TPM4: variants seen among roughly 807,000 people sequenced by gnomAD.
TPM4 encodes tropomyosin alpha-4 chain.
Under a neutral mutation model 35.8 loss-of-function variants are expected in TPM4, and 17 were observed. The observed-to-expected ratio is 0.47, with a 90% CI of 0.32 to 0.71. TPM4 has a LOEUF of 0.71. TPM4 is among the 30% of genes least tolerant of loss of function. TPM4 has a pLI of 0.03. For missense variants in TPM4, 240 were observed against 320.9 expected, an observed-to-expected ratio of 0.75 and a Z score of 1.93; for synonymous variants, 120 against 122.9, an observed-to-expected ratio of 0.98 and a Z score of 0.15.
In TPM4 at chr19:16,067,807, G is replaced by GA. The variant is rs1347355187; in HGVS notation, c.114+70dup. On this transcript the variant is annotated intron_variant, in intron 2 of 2. Transcript: ENST00000589897. This position sits in a 1 kb window ranked among gnomAD's most constrained non-coding sequence, Gnocchi z 4.1. ...TCTCTGTGCGGAAGGCCGGGGTCTGGAGCCCAGTTGGGGGTCGCAGACACC... is the reference window on the plus strand; with the variant it reads ...TCTCTGTGCGGAAGGCCGGGGTCTGGAAGCCCAGTTGGGGGTCGCAGACACC... The GA allele has an allele frequency of 1.0e-5, 15 of 1,477,542 alleles. No individual in the cohort carries two copies. The African/African-American group carries it at 2.1e-4, about 21-fold the overall frequency. 91.5% of individuals were successfully genotyped at this position (1,477,542 alleles called of 1,614,324 possible).
Position 16,088,100 on chromosome 19 carries a change from G to A in TPM4, c.455+3G>A. 6.2e-7 allele frequency: 1 copy of A among 1,610,640 alleles called. No individual in the cohort carries two copies. The highest frequency in any genetic ancestry group is 8.5e-7 in the Non-Finnish European group (1 of 1,178,838). On this transcript the variant is annotated splice_donor_region_variant and intron_variant, in intron 4 of 7. Transcript: ENST00000643579. ...GAGCGTGCGGAGGTGTCTGAACTGTGAGTGGCAGAACAGGACTGAGCGAGG... is the reference window on the plus strand; with the variant it reads ...GAGCGTGCGGAGGTGTCTGAACTGTAAGTGGCAGAACAGGACTGAGCGAGG...
intron 5 of TPM4, among the ~76,000 whole-genome samples, chr19:16,091,986 G>C (rs1055360442): frequency 6.6e-6 from 1 of 151,100 alleles, no homozygotes; most frequent in East Asian, 2.0e-4. Context: ...GCTGGCCATC[G>C]TAGCGAAACC....
At chr19:16,099,855 C>T (rs2090744541) in intron 7 of TPM4, 1 of 152,090 alleles carries the variant, frequency 6.6e-6, no homozygotes. Flanking sequence ...AATAACATGC[C>T]TGTAGAATGG....
chr19:16,076,704 GC>G lies in TPM4; in HGVS notation c.132+11del, dbSNP rs1255942070. Reference sequence around the variant, plus strand: ...GCGCGAGCGGCGCGAGAAAGTGAGCGCCCCGGCCTCGGGCCCCGCACCCGCA... The same window carrying G: ...GCGCGAGCGGCGCGAGAAAGTGAGCGCCCGGCCTCGGGCCCCGCACCCGCA... On this transcript the variant is annotated splice_region_variant and intron_variant, in intron 1 of 7. Coordinates refer to ENST00000643579, the MANE Select transcript of TPM4 (RefSeq NM_003290.3). 4 of 1,335,110 alleles carry G rather than the reference GC, an allele frequency of 3.0e-6. No homozygotes were observed. The highest frequency in any genetic ancestry group is 1.5e-5 in the African/African-American group (1 of 64,912). The allele number at this position is 1,335,110 out of a possible 1,614,324, so 82.7% of individuals were successfully genotyped here.
chr19:16,097,279 C>G (rs1221927322), intron 7 of TPM4, among the ~76,000 whole-genome samples: 1 of 143,778 alleles, frequency 7.0e-6, no homozygotes, highest in Admixed American at 6.9e-5. Flanking sequence ...TTTTTTTTTT[C>G]TTCTTTCTTT....
chr19:16,076,012 C>G, upstream of TPM4: 1 of 1,591,694 alleles, frequency 6.3e-7, no homozygotes, highest in South Asian at 1.1e-5. Context: ...GACCCCCCCC[C>G]CAGGCTGACC....
At chr19:16,079,650 AT>A (rs1002023051) in intron 1 of TPM4, 81 of 209,962 alleles carry the variant, frequency 3.9e-4, no homozygotes, top group East Asian at 5.7e-4. Context: ...GCCTCATTCT[AT>A]TTTTTTTTCC....
At chr19:16,085,809 C>T (rs1568305890) in intron 2 of TPM4, among the ~76,000 whole-genome samples, 1 of 152,104 alleles carries the variant, frequency 6.6e-6, no homozygotes, top group Non-Finnish European at 1.5e-5. Context: ...TGGCTCACAC[C>T]TGTAATCCCA....
In TPM4 at chr19:16,102,075, G is replaced by A. The variant is rs1287372338; in HGVS notation, c.*729G>A. 1 of 204,180 alleles carries A rather than the reference G, an allele frequency of 4.9e-6. No homozygotes were observed. Among genetic ancestry groups the A allele is most frequent in the East Asian group, 7.5e-5 (1 of 13,308 alleles). 12.6% of individuals were successfully genotyped at this position (204,180 alleles called of 1,614,324 possible). On this transcript the variant is annotated 3_prime_UTR_variant, in exon 8 of 8. Transcript: ENST00000643579. ...CATTCTAAAGTTGTTCCCTGGCCGG[G>A]AGCGTTGGCTTTCGCCTGTAATCCC...
upstream of TPM4, chr19:16,076,011 C>A: frequency 8.8e-6 from 14 of 1,590,962 alleles, no homozygotes; most frequent in Non-Finnish European, 1.0e-5. Context: ...TGACCCCCCC[C>A]CCAGGCTGAC....
At chr19:16,082,720 A>G (rs2090498400) in intron 2 of TPM4, among the ~76,000 whole-genome samples, 1 of 151,390 alleles carries the variant, frequency 6.6e-6, no homozygotes, top group Non-Finnish European at 1.5e-5. Flanking sequence ...GGCCGGATGC[A>G]GTGATTCCTG....
At chr19:16,073,963 C>CAAAAAAAA (rs34116610), upstream of TPM4, among the ~76,000 whole-genome samples, 1 of 71,886 alleles carries the variant, frequency 1.4e-5, no homozygotes, top group African/African-American at 5.7e-5. Flanking sequence ...AAAAAAAACG[C>CAAAAAAAA]AAAAAAAAAA....
chr19:16,095,402 G>C (rs1329340624), intron 7 of TPM4: 16 of 1,032,454 alleles, frequency 1.5e-5, no homozygotes, highest in Non-Finnish European at 1.9e-5. Flanking sequence ...CTACGCCCCT[G>C]TGGGCTTCTA....
rs1450237021 is a variant in TPM4 at position 16,088,181 on chromosome 19, C to G, written c.455+84C>G. ...GAGCTGGCTGTGTTGGGAATTGGCT[C>G]TGACCGGGGTCTCTGCTCAAGTGGA... On this transcript the variant is annotated intron_variant, in intron 4 of 7. Transcript: ENST00000643579. 10 of 1,534,008 alleles carry G rather than the reference C, an allele frequency of 6.5e-6. No homozygotes were observed. In the East Asian group the frequency reaches 2.1e-4, roughly 33 times the overall value.
Position 16,070,795 on chromosome 19 carries a change from C to T in TPM4, c.114+3057C>T, listed in dbSNP as rs985910024. On this transcript the variant is annotated intron_variant, in intron 2 of 2. Coordinates refer to the TPM4 transcript ENST00000589897. The surrounding 1 kb of genome is among the most constrained non-coding windows in gnomAD (Gnocchi z 7.4). ...CTGCCCTAAGAGTATGTGGCACATTCGTGCAGGCCAAGCCCCACCCCAGTG... is the reference window on the plus strand; with the variant it reads ...CTGCCCTAAGAGTATGTGGCACATTTGTGCAGGCCAAGCCCCACCCCAGTG... 2.6e-5 allele frequency among the ~76,000 whole-genome samples: 4 copies of T among 152,038 alleles called. No homozygotes were observed. Among genetic ancestry groups the T allele is most frequent in the Admixed American group, 6.6e-5 (1 of 15,258 alleles).
chr19:16,075,837 C>A (rs2090397674), upstream of TPM4: 2 of 714,298 alleles, frequency 2.8e-6, no homozygotes, highest in Non-Finnish European at 2.2e-6. Flanking sequence ...AACAGCTGGT[C>A]CTCAGGACGA....
At chr19:16,095,141 G>A (rs1056678294) in intron 7 of TPM4, 11 of 468,512 alleles carry the variant, frequency 2.3e-5, no homozygotes, top group African/African-American at 2.1e-4. Flanking sequence ...CTCCTAGTCT[G>A]TGCTTTGTTT....
At chr19:16,086,389 T>A in intron 2 of TPM4, 34 bp from the exon 3 acceptor site, 1 of 1,586,990 alleles carries the variant, frequency 6.3e-7, no homozygotes, top group Non-Finnish European at 8.6e-7. Context: ...GGGGTGTGAG[T>A]GAACGGCCGT....
In TPM4 at chr19:16,097,244, T is replaced by G. The variant is rs145322490; in HGVS notation, c.664+3491T>G. Among the ~76,000 whole-genome samples, 151 of 151,036 alleles carry G rather than the reference T, an allele frequency of 1.0e-3. 2 individuals carry two copies. Among genetic ancestry groups the G allele is most frequent in the African/African-American group, 3.5e-3 (145 of 41,210 alleles). ...GCTGGGATTACAGGCGTGAGCCACT[T>G]TGCCCGGCCCAGGCTATGCTTTGCT... On this transcript the variant is annotated intron_variant, in intron 7 of 7. Coordinates refer to ENST00000643579, the MANE Select transcript of TPM4 (RefSeq NM_003290.3).
Sources: allele counts gnomAD v4.1 joint callset (sites outside exome capture counted in the v4.1 genomes callset), GRCh38; gene constraint gnomAD v4.1.1; non-coding constraint Gnocchi (gnomAD v3.1); transcripts MANE v1.5; gene names NCBI Gene and HGNC (gene_info 2026-07-23, HGNC 2026-07-21).